Variants in PTPRD observed in about 807,000 individuals in gnomAD.
PTPRD encodes the protein receptor-type tyrosine-protein phosphatase delta.
In PTPRD, 34 loss-of-function variants were observed where a neutral mutation model predicts 214.5. That is an observed-to-expected ratio of 0.16 (90% CI 0.12 to 0.21). PTPRD has a LOEUF of 0.21. Ranked by LOEUF, PTPRD falls within the 10% of genes least tolerant of loss-of-function variation. The probability of loss-of-function intolerance (pLI) is 1.00; values close to 1 mark genes in which losing one functional copy is unlikely to be tolerated. For synonymous variants in PTPRD, 1,128 were observed against 845.7 expected (o/e 1.33, Z -5.79); for missense variants, 2,545 against 2,398.7 (o/e 1.06, Z -1.27).
intron 9 of PTPRD, among the ~76,000 whole-genome samples, chr9:9,278,761 T>G (rs2133401166): frequency 6.6e-6 from 1 of 151,522 alleles, no homozygotes; most frequent in Admixed American, 6.6e-5. Context: ...TAATAACGTT[T>G]ACTTTCAAGT....
chr9:9,754,110 T>C (rs1264106418), intron 6 of PTPRD, among the ~76,000 whole-genome samples: 1 of 152,060 alleles, frequency 6.6e-6, no homozygotes, highest in Non-Finnish European at 1.5e-5. Flanking sequence ...ATATGCTCAG[T>C]AAAAACTGAT....
At chr9:9,979,596 A>G (rs1363653273) in intron 4 of PTPRD, among the ~76,000 whole-genome samples, 1 of 152,192 alleles carries the variant, frequency 6.6e-6, no homozygotes, top group African/African-American at 2.4e-5. Context: ...AATGATCTCA[A>G]TTGGAAGATT....
chr9:8,835,673 G>A (rs1328675821), intron 11 of PTPRD, among the ~76,000 whole-genome samples: 2 of 152,082 alleles, frequency 1.3e-5, no homozygotes, highest in African/African-American at 4.8e-5. Flanking sequence ...GGAACCACAG[G>A]TGTGTGTCAC....
chr9:10,245,372 T>C (rs1438848788), intron 3 of PTPRD, among the ~76,000 whole-genome samples: 1 of 152,166 alleles, frequency 6.6e-6, no homozygotes, highest in African/African-American at 2.4e-5. Context: ...ATTAAGAGTA[T>C]TTAATCACAC....
At chr9:8,391,219 T>C (rs2089429945) in intron 36 of PTPRD, among the ~76,000 whole-genome samples, 1 of 152,168 alleles carries the variant, frequency 6.6e-6, no homozygotes, top group Non-Finnish European at 1.5e-5. Flanking sequence ...GCAATGACTT[T>C]GACTGCTTTT....
intron 3 of PTPRD, among the ~76,000 whole-genome samples, chr9:10,257,374 C>T (rs760556768): frequency 6.6e-6 from 1 of 152,144 alleles, no homozygotes; most frequent in Non-Finnish European, 1.5e-5. Flanking sequence ...TAGAGAAAGG[C>T]TCCCAGGGGC....
intron 9 of PTPRD, among the ~76,000 whole-genome samples, chr9:9,315,632 A>G (rs1020172883): frequency 6.6e-6 from 1 of 151,870 alleles, no homozygotes; most frequent in Admixed American, 6.6e-5. Context: ...CTTATGGATC[A>G]TGCTTTATAT....
At chr9:9,856,694 A>G (rs2061618704) in intron 5 of PTPRD, among the ~76,000 whole-genome samples, 1 of 152,094 alleles carries the variant, frequency 6.6e-6, no homozygotes, top group Admixed American at 6.5e-5. Context: ...AGAATCTGTT[A>G]AAGCTGTCCC....
intron 11 of PTPRD, among the ~76,000 whole-genome samples, chr9:8,801,525 T>C (rs1015615166): frequency 3.9e-5 from 6 of 152,156 alleles, no homozygotes; most frequent in African/African-American, 1.4e-4. Flanking sequence ...GAGACCAGCC[T>C]GACCAACAGG....
intron 3 of PTPRD, among the ~76,000 whole-genome samples, chr9:10,329,275 T>A (rs1178329133): frequency 6.6e-6 from 1 of 151,420 alleles, no homozygotes; most frequent in Non-Finnish European, 1.5e-5. Flanking sequence ...TGTTACCTTT[T>A]GTTTTATTTG....
At position 9,452,457 on chromosome 9, in the gene PTPRD, G is replaced by A. The variant is rs1029997306; in HGVS notation, c.-236-54975C>T. Among the ~76,000 whole-genome samples the A allele has an allele frequency of 3.3e-5, 5 of 151,230 alleles. No individual in the cohort carries two copies. In the South Asian group the frequency reaches 6.2e-4, roughly 19 times the overall value. On this transcript the variant is annotated intron_variant, in intron 8 of 45. Coordinates refer to ENST00000381196, the MANE Select transcript of PTPRD (RefSeq NM_002839.4). ...TGGGAAAAAATACTGGTGAATGTAT[G>A]GGTATATCTAAGTAAATATGGAAGT...
intron 10 of PTPRD, among the ~76,000 whole-genome samples, chr9:9,032,994 A>G (rs1040984294): frequency 3.3e-5 from 5 of 152,160 alleles, no homozygotes; most frequent in East Asian, 3.9e-4. Context: ...TGTGGGCTAC[A>G]TTATCTTTCA....
At chr9:10,217,310 A>T in intron 3 of PTPRD, among the ~76,000 whole-genome samples, 1 of 151,872 alleles carries the variant, frequency 6.6e-6, no homozygotes, top group South Asian at 2.1e-4. Flanking sequence ...ACACATACAA[A>T]CACACACACT....
At chr9:9,976,621 C>G (rs2154057137) in intron 4 of PTPRD, among the ~76,000 whole-genome samples, 1 of 141,778 alleles carries the variant, frequency 7.1e-6, no homozygotes, top group East Asian at 2.1e-4. Context: ...GTCCTAACCT[C>G]AGGTGATCCC....
intron 11 of PTPRD, among the ~76,000 whole-genome samples, chr9:8,956,387 A>ATAATT (rs2099131795): frequency 6.6e-6 from 1 of 151,930 alleles, no homozygotes; most frequent in South Asian, 2.1e-4. Context: ...CCTGATGACT[A>ATAATT]TAATTTTACA....
intron 5 of PTPRD, among the ~76,000 whole-genome samples, chr9:9,913,924 C>A (rs1465990477): frequency 6.6e-6 from 1 of 152,098 alleles, no homozygotes; most frequent in Non-Finnish European, 1.5e-5. Context: ...TTCTGGGGGC[C>A]AACACAGGGC....
At chr9:9,391,208 T>A (rs922087508) in intron 9 of PTPRD, among the ~76,000 whole-genome samples, 12 of 152,146 alleles carry the variant, frequency 7.9e-5, no homozygotes, top group Non-Finnish European at 1.3e-4. Flanking sequence ...AAATTGAAAG[T>A]GAGTCAACAT....
chr9:10,482,241 G>C (rs901808595), intron 2 of PTPRD, among the ~76,000 whole-genome samples: 5 of 151,654 alleles, frequency 3.3e-5, no homozygotes, highest in Admixed American at 2.0e-4. Flanking sequence ...CGTGGTGGCG[G>C]GTGCCTGTAG....
At chr9:9,924,774 A>T (rs536158376) in intron 5 of PTPRD, among the ~76,000 whole-genome samples, 52 of 152,190 alleles carry the variant, frequency 3.4e-4, no homozygotes, top group African/African-American at 1.1e-3. Flanking sequence ...CCTTTGACAG[A>T]TACTTGAAAG....
Sources: allele counts gnomAD v4.1 joint callset (sites outside exome capture counted in the v4.1 genomes callset), GRCh38; gene constraint gnomAD v4.1.1; transcripts MANE v1.5; gene names NCBI Gene and HGNC (gene_info 2026-07-23, HGNC 2026-07-21).